The following ANKRD11 variants were observed in gnomAD, a reference collection of about 807,000 sequenced individuals.
ANKRD11 encodes ankyrin repeat domain-containing protein 11.
In ANKRD11, 17 loss-of-function variants were observed where a neutral mutation model predicts 195.7. The ratio of observed to expected loss-of-function variants is 0.09; its 90% CI spans 0.06 to 0.13. The LOEUF (loss-of-function observed/expected upper bound fraction) is 0.13. Among genes scored for constraint, ANKRD11 ranks in the 10% least tolerant of loss-of-function variants. The pLI is 1.00. For synonymous variants in ANKRD11, 1,953 were observed against 1,528.1 expected, an observed-to-expected ratio of 1.28 and a Z score of -6.49; for missense variants, 3,735 against 3,566.1, an observed-to-expected ratio of 1.05 and a Z score of -1.21.
In ANKRD11 at chr16:89,279,331, G is replaced by A; in HGVS notation, c.7211C>T (p.Thr2404Met). Reference sequence around the variant, plus strand: ...CTGGATCACCTCCCGCGTCTGCTGCGTGGACGTGTTCAGCTGCTGCTGCAG... The same window carrying A: ...CTGGATCACCTCCCGCGTCTGCTGCATGGACGTGTTCAGCTGCTGCTGCAG... ...QQLQQQLNTSTQQTREVIQQT... is the reference protein window; with the variant it reads ...QQLQQQLNTSMQQTREVIQQT... The change falls in exon 9 of 13, where the codon ACG becomes ATG. Residue 2404 changes from threonine to methionine, a missense_variant. By Grantham distance (81) the Thr-to-Met change is moderately conservative (BLOSUM62 -1). Transcript: ENST00000301030. This position sits in a 1 kb window ranked among gnomAD's most constrained non-coding sequence, Gnocchi z 5.6. 2 of 1,611,544 alleles carry A rather than the reference G, an allele frequency of 1.2e-6. No individual in the cohort carries two copies. The highest frequency in any genetic ancestry group is 1.7e-6 in the Non-Finnish European group (2 of 1,179,630).
chr16:89,407,311 G>GA (rs908923041), intron 2 of ANKRD11, among the ~76,000 whole-genome samples: 59 of 151,112 alleles, frequency 3.9e-4, no homozygotes, highest in Non-Finnish European at 6.9e-4. Flanking sequence ...GGGGGAAAAA[G>GA]AAAAAAAAAT....
intron 1 of ANKRD11, among the ~76,000 whole-genome samples, chr16:89,481,317 C>G (rs1322282377): frequency 6.6e-6 from 1 of 152,144 alleles, no homozygotes; most frequent in African/African-American, 2.4e-5. Flanking sequence ...CCTGTCATCC[C>G]AGCACTTTGG....
intron 2 of ANKRD11, among the ~76,000 whole-genome samples, chr16:89,379,071 T>C (rs1597209582): frequency 6.6e-6 from 1 of 152,198 alleles, no homozygotes; most frequent in Non-Finnish European, 1.5e-5. Context: ...CTTAGGGTCG[T>C]CCATGCCCAG....
chr16:89,284,249 T>C lies in ANKRD11; in HGVS notation c.2293A>G (p.Arg765Gly), dbSNP rs2034488742. 3 of 1,613,560 alleles carry C rather than the reference T, an allele frequency of 1.9e-6. No homozygotes were observed. Among genetic ancestry groups the C allele is most frequent in the Non-Finnish European group, 1.7e-6 (2 of 1,179,990 alleles). ...GGCCGGTCTTTTGATTTCTTCTTTC[T>C]CTCCTCTTTGTACAGTCTCAGTTTT... ...EEKLRLYKEE[R>G]KKKSKDRPSK... Residue 765 changes from arginine to glycine, a missense_variant, in exon 9 of 13, where the codon AGA becomes GGA. Arg to Gly is a moderately radical substitution (Grantham distance 125). Transcript: ENST00000301030.
rs1287759630 is a variant in ANKRD11, at chr16:89,281,874, C to A, written c.4668G>T (p.Ala1556=). ...VKMSNGNDKV[A]PSKDPGKKDA... ...CTTTCTTGCCTGGGTCTTTGGATGGCGCTACCTTATCATTCCCGTTGCTCA... is the reference window on the plus strand; with the variant it reads ...CTTTCTTGCCTGGGTCTTTGGATGGAGCTACCTTATCATTCCCGTTGCTCA... The change falls in exon 9 of 13, where the codon GCG becomes GCT. Residue 1556 remains alanine, a synonymous_variant. Coordinates refer to ENST00000301030, the MANE Select transcript of ANKRD11 (RefSeq NM_013275.6). The surrounding 1 kb of genome is among the most constrained non-coding windows in gnomAD (Gnocchi z 5.5). The A allele has an allele frequency of 6.2e-7, 1 of 1,613,920 alleles. No homozygotes were observed. Among genetic ancestry groups the A allele is most frequent in the South Asian group, 1.1e-5 (1 of 91,076 alleles).
rs139087849 is a variant in ANKRD11, at chr16:89,334,061, A to C, written c.-59-16983T>G. Among the ~76,000 whole-genome samples, 427 of 151,002 alleles carry C rather than the reference A, an allele frequency of 2.8e-3. 1 individual carries two copies. Among genetic ancestry groups the C allele is most frequent in the African/African-American group, 0.01 (414 of 40,816 alleles). ...GTGCAGTGGCTCAAGCCTGTAAAAC[A>C]AGCACTTTGGAAGGCTGAGGTGGGT... is the stretch of plus-strand genomic sequence containing the variant. On this transcript the variant is annotated intron_variant, in intron 2 of 12. Transcript: ENST00000301030.
At chr16:89,368,384 T>G (rs973004018) in intron 2 of ANKRD11, among the ~76,000 whole-genome samples, 82 of 132,904 alleles carry the variant, frequency 6.2e-4, no homozygotes, top group African/African-American at 2.3e-3. Flanking sequence ...TTTTTTTTTT[T>G]TTTTTTTTTT....
chr16:89,308,984 C>A (rs1220803858), intron 3 of ANKRD11, among the ~76,000 whole-genome samples: 1 of 152,212 alleles, frequency 6.6e-6, no homozygotes, highest in African/African-American at 2.4e-5. Context: ...CAAAGATCAG[C>A]CCTCCTCTGG....
intron 2 of ANKRD11, among the ~76,000 whole-genome samples, chr16:89,346,787 G>C (rs137909217): frequency 9.8e-5 from 15 of 152,308 alleles, no homozygotes; most frequent in African/African-American, 3.6e-4. Context: ...TCCCAATAAA[G>C]AGACTCTAAA....
At chr16:89,431,914 C>A (rs950094485) in intron 1 of ANKRD11, among the ~76,000 whole-genome samples, 5 of 152,128 alleles carry the variant, frequency 3.3e-5, no homozygotes, top group Non-Finnish European at 7.4e-5. Flanking sequence ...TCTAACCCTC[C>A]AAGGCAGAAA....
intron 2 of ANKRD11, among the ~76,000 whole-genome samples, chr16:89,322,377 A>G (rs2037380454): frequency 6.6e-6 from 1 of 152,106 alleles, no homozygotes; most frequent in Non-Finnish European, 1.5e-5. Context: ...TCCTCTCCTT[A>G]TGTAAGTTAA....
At chr16:89,293,971 G>A (rs868624449) in intron 4 of ANKRD11, among the ~76,000 whole-genome samples, 2 of 152,272 alleles carry the variant, frequency 1.3e-5, no homozygotes, top group South Asian at 4.1e-4. Context: ...CTGCTTTGTG[G>A]CAAACAGAAC....
chr16:89,396,928 C>G (rs528281676), intron 2 of ANKRD11, among the ~76,000 whole-genome samples: 6 of 143,140 alleles, frequency 4.2e-5, no homozygotes, highest in Admixed American at 2.2e-4. Context: ...CTCAGGTGAT[C>G]CAGCTGCCTC....
At chr16:89,321,883 A>G (rs2037349097) in intron 2 of ANKRD11, among the ~76,000 whole-genome samples, 1 of 152,096 alleles carries the variant, frequency 6.6e-6, no homozygotes, top group South Asian at 2.1e-4. Flanking sequence ...CTTCCTCTTC[A>G]GCCTCCTCAA....
chr16:89,305,443 T>C, intron 3 of ANKRD11, 99 bp from the exon 4 acceptor site: 5 of 1,530,492 alleles, frequency 3.3e-6, no homozygotes, highest in Non-Finnish European at 4.5e-6. Flanking sequence ...ATCTCTTATT[T>C]GGGCAATGAA....
chr16:89,445,568 GAC>G (rs1311917118), intron 1 of ANKRD11, among the ~76,000 whole-genome samples: 1 of 152,126 alleles, frequency 6.6e-6, no homozygotes, highest in Non-Finnish European at 1.5e-5. Flanking sequence ...AGGAAACAAA[GAC>G]AGCAATAACC....
In ANKRD11 at chr16:89,280,640, C is replaced by T; in HGVS notation, c.5902G>A (p.Glu1968Lys). The T allele has an allele frequency of 2.5e-6, 4 of 1,613,530 alleles. No homozygotes were observed. Among genetic ancestry groups the T allele is most frequent in the Non-Finnish European group, 3.4e-6 (4 of 1,179,962 alleles). Reference sequence around the variant, plus strand: ...CCCACAGGCCAGCTCACAGGGTTTTCAGAGGTGCCCCCGATCAGGCTAGAG... The same window carrying T: ...CCCACAGGCCAGCTCACAGGGTTTTTAGAGGTGCCCCCGATCAGGCTAGAG... Reference protein sequence around the residue: ...LASSLIGGTSENPVSWPVGSD... With the variant: ...LASSLIGGTSKNPVSWPVGSD... Residue 1968 changes from glutamate (E) to lysine (K), a missense_variant, in exon 9 of 13, where the codon GAA becomes AAA. Glu to Lys is a moderately conservative substitution (Grantham distance 56). Transcript: ENST00000301030.
chr16:89,365,917 G>C (rs2152068601), intron 2 of ANKRD11, among the ~76,000 whole-genome samples: 1 of 152,052 alleles, frequency 6.6e-6, no homozygotes, highest in South Asian at 2.1e-4. Context: ...GTGTCCACGT[G>C]TTCTCATCAT....
chr16:89,454,254 G>C (rs991143926), intron 1 of ANKRD11, among the ~76,000 whole-genome samples: 4 of 152,068 alleles, frequency 2.6e-5, no homozygotes, highest in Non-Finnish European at 4.4e-5. Context: ...CAAGGCCACA[G>C]ACCACAACTT....
Sources: allele counts gnomAD v4.1 joint callset (sites outside exome capture counted in the v4.1 genomes callset), GRCh38; gene constraint gnomAD v4.1.1; non-coding constraint Gnocchi (gnomAD v3.1); transcripts MANE v1.5; gene names NCBI Gene and HGNC (gene_info 2026-07-23, HGNC 2026-07-21).